ZDHHC14: variants seen among roughly 807,000 people sequenced by gnomAD.
ZDHHC14 encodes zDHHC palmitoyltransferase 14.
Under a neutral mutation model 47.7 loss-of-function variants are expected in ZDHHC14, and 16 were observed. That is an observed-to-expected ratio of 0.34 (90% CI 0.23 to 0.51). The LOEUF (loss-of-function observed/expected upper bound fraction) is 0.51, where lower values mean the gene tolerates loss of function less well. Ranked by LOEUF, ZDHHC14 falls within the 20% of genes least tolerant of loss-of-function variation. ZDHHC14 has a pLI of 0.97. For missense variants in ZDHHC14, 515 were observed against 662.5 expected (o/e 0.78, Z 2.44); for synonymous variants, 293 against 278.9 (o/e 1.05, Z -0.50).
At chr6:157,598,285 G>C (rs549065913) in intron 3 of ZDHHC14, among the ~76,000 whole-genome samples, 96 of 152,312 alleles carry the variant, frequency 6.3e-4, no homozygotes, top group Non-Finnish European at 1.2e-3. Flanking sequence ...TGATGAGGGG[G>C]CTATTAGTTT....
At chr6:157,654,033 G>A (rs76571411) in intron 8 of ZDHHC14, among the ~76,000 whole-genome samples, 3,904 of 152,084 alleles carry the variant, frequency 0.026, 112 homozygotes, top group African/African-American at 0.067. Flanking sequence ...TTCCTCAAGC[G>A]TGCAGTGGCT....
intron 3 of ZDHHC14, among the ~76,000 whole-genome samples, chr6:157,597,051 T>C (rs1784161733): frequency 6.6e-6 from 1 of 152,228 alleles, no homozygotes; most frequent in Non-Finnish European, 1.5e-5. Flanking sequence ...AATCCTTGAC[T>C]GTCTCTCTGG....
In ZDHHC14 at chr6:157,647,372, A is replaced by G; in HGVS notation, c.965+4A>G. On this transcript the variant is annotated splice_donor_region_variant and intron_variant, in intron 7 of 8. Transcript: ENST00000359775. ...TGTGTGGGCCCATCTCACCAAGGTA[A>G]GACTCAGGACGCATCGTGCTCTTCA... is the stretch of plus-strand genomic sequence containing the variant. The G allele has an allele frequency of 6.2e-7, 1 of 1,610,572 alleles. No homozygotes were observed. Among genetic ancestry groups the G allele is most frequent in the East Asian group, 2.2e-5 (1 of 44,826 alleles).
At chr6:157,653,409 C>T in intron 7 of ZDHHC14, 116 bp from the exon 8 acceptor site, 4 of 987,634 alleles carry the variant, frequency 4.1e-6, no homozygotes, top group Non-Finnish European at 6.1e-6. Context: ...GTCTAAGTTG[C>T]CTGAGGTGGG....
chr6:157,557,105 A>C (rs1782504375), intron 2 of ZDHHC14, among the ~76,000 whole-genome samples: 1 of 152,190 alleles, frequency 6.6e-6, no homozygotes, highest in African/African-American at 2.4e-5. Context: ...AGCTGCAGTC[A>C]CCTTCTCTGA....
At chr6:157,383,630 C>G (rs753700784) in intron 1 of ZDHHC14, among the ~76,000 whole-genome samples, 22 of 152,300 alleles carry the variant, frequency 1.4e-4, no homozygotes, top group Non-Finnish European at 2.6e-4. Flanking sequence ...TTAGACCAGG[C>G]GATGAGAAGG....
chr6:157,532,959 C>G (rs541571417), intron 1 of ZDHHC14, among the ~76,000 whole-genome samples: 1 of 152,054 alleles, frequency 6.6e-6, no homozygotes, highest in Non-Finnish European at 1.5e-5. Flanking sequence ...ACATATTTCT[C>G]TACTACAAAA....
Position 157,673,547 on chromosome 6 carries a change from T to A in ZDHHC14, c.*425T>A. 6.0e-6 allele frequency: 1 copy of A among 165,540 alleles called. No individual in the cohort carries two copies. The allele number at this position is 165,540 out of a possible 1,614,324, so 10.3% of individuals were successfully genotyped here. ...TGTTAATTAAAAAAAAAAAAAATCC[T>A]AAAGGGAAAAAACCGACCAGGTGTG... On this transcript the variant is annotated 3_prime_UTR_variant, in exon 9 of 9. Transcript: ENST00000359775. The surrounding 1 kb of genome is among the most constrained non-coding windows in gnomAD (Gnocchi z 5.4).
chr6:157,551,016 G>A (rs1045700732), intron 2 of ZDHHC14, among the ~76,000 whole-genome samples: 11 of 152,200 alleles, frequency 7.2e-5, no homozygotes, highest in Non-Finnish European at 1.5e-4. Flanking sequence ...TGGTGTAGTG[G>A]GGAGTAAAGG....
chr6:157,458,220 A>G (rs9457537), intron 1 of ZDHHC14, among the ~76,000 whole-genome samples: 117,960 of 152,228 alleles, frequency 0.77, 46,004 homozygotes, highest in East Asian at 0.92. Context: ...GCTAACAAAC[A>G]TCTTTTTCCT....
At chr6:157,549,020 G>A (rs1782104961) in intron 2 of ZDHHC14, among the ~76,000 whole-genome samples, 1 of 152,190 alleles carries the variant, frequency 6.6e-6, no homozygotes, top group East Asian at 1.9e-4. Context: ...CCAGTGCTTG[G>A]GAGGAAAGGG....
intron 1 of ZDHHC14, among the ~76,000 whole-genome samples, chr6:157,483,302 A>G (rs748175245): frequency 6.6e-6 from 1 of 152,170 alleles, no homozygotes; most frequent in Non-Finnish European, 1.5e-5. Context: ...GACACTCTGT[A>G]TGCAATTCAT....
At chr6:157,529,549 G>T (rs141404471) in intron 1 of ZDHHC14, among the ~76,000 whole-genome samples, 1,604 of 152,318 alleles carry the variant, frequency 0.011, 18 homozygotes, top group Non-Finnish European at 0.018. Flanking sequence ...TTGACCTTCA[G>T]TCACTAAGGC....
At chr6:157,529,013 C>T (rs901738621) in intron 1 of ZDHHC14, 2 of 154,138 alleles carry the variant, frequency 1.3e-5, no homozygotes, top group Admixed American at 6.5e-5. Flanking sequence ...AGGTTTCTCC[C>T]AATGAGTTCA....
rs1341419120 is a variant in ZDHHC14 at position 157,673,856 on chromosome 6, T to C, written c.*734T>C. On this transcript the variant is annotated 3_prime_UTR_variant, in exon 9 of 9. Transcript: ENST00000359775. This position sits in a 1 kb window ranked among gnomAD's most constrained non-coding sequence, Gnocchi z 5.4. ...TCGATGAGGTCTCGTGTTGAGATAT[T>C]GTGTGCCACAACCCCCACAGTCTTC... 6.6e-6 allele frequency: 1 copy of C among 152,586 alleles called. No homozygotes were observed. The highest frequency in any genetic ancestry group is 1.5e-5 in the Non-Finnish European group (1 of 68,044). 9.5% of individuals were successfully genotyped at this position (152,586 alleles called of 1,614,324 possible). A position where few individuals can be genotyped will look rare whatever the true frequency, so the allele number is the denominator to read the frequency against.
At chr6:157,447,943 C>A (rs1276198775) in intron 1 of ZDHHC14, among the ~76,000 whole-genome samples, 1 of 152,108 alleles carries the variant, frequency 6.6e-6, no homozygotes, top group Non-Finnish European at 1.5e-5. Flanking sequence ...GTGATCATAG[C>A]TCACTGCAGC....
At chr6:157,571,048 G>A (rs1336963238) in intron 2 of ZDHHC14, among the ~76,000 whole-genome samples, 1 of 152,160 alleles carries the variant, frequency 6.6e-6, no homozygotes, top group Non-Finnish European at 1.5e-5. Context: ...CTTTACTGGG[G>A]CCATTCTATG....
At chr6:157,489,033 C>T (rs1175986473) in intron 1 of ZDHHC14, among the ~76,000 whole-genome samples, 3 of 152,200 alleles carry the variant, frequency 2.0e-5, no homozygotes, top group African/African-American at 7.2e-5. Context: ...TTTACTGTAG[C>T]GGCTTTATGG....
intron 2 of ZDHHC14, among the ~76,000 whole-genome samples, chr6:157,571,738 C>T (rs1319143911): frequency 6.6e-6 from 1 of 151,174 alleles, no homozygotes; most frequent in Non-Finnish European, 1.5e-5. Flanking sequence ...TTCTTAGCCC[C>T]TCCTGCAGAT....
Sources: allele counts gnomAD v4.1 joint callset (sites outside exome capture counted in the v4.1 genomes callset), GRCh38; gene constraint gnomAD v4.1.1; non-coding constraint Gnocchi (gnomAD v3.1); transcripts MANE v1.5; gene names NCBI Gene and HGNC (gene_info 2026-07-23, HGNC 2026-07-21).